Variants in CXorf66 observed in about 807,000 individuals in gnomAD.
CXorf66 encodes the protein chromosome X open reading frame 66.
CXorf66 carries 6 observed loss-of-function variants against 5.0 expected under a neutral mutation model. That is an observed-to-expected ratio of 1.20 (90% CI 0.65 to 2.36). CXorf66 has a LOEUF of 2.36. CXorf66 is among the 30% of genes most tolerant of loss of function. The pLI, the probability that CXorf66 is intolerant of heterozygous loss-of-function variation, is 0.00. For synonymous variants in CXorf66, 98 were observed against 102.8 expected, an observed-to-expected ratio of 0.95 and a Z score of 0.28; for missense variants, 270 against 254.9, an observed-to-expected ratio of 1.06 and a Z score of -0.40.
rs371718733 is a variant in CXorf66, at chrX:139,965,372, A to G, written c.88+37T>C. On this transcript the variant is annotated intron_variant, in intron 1 of 2. Coordinates refer to ENST00000370540, the MANE Select transcript of CXorf66 (RefSeq NM_001013403.3). The stretch of plus-strand genomic sequence containing the variant: ...TAAATACTTTAATGTATACTGTAAC[A>G]GATCATAATTTACAAGTTTTAAGGT... 183 of 973,950 alleles carry G rather than the reference A, an allele frequency of 1.9e-4. 1 individual carries two copies. Among genetic ancestry groups the G allele is most frequent in the Non-Finnish European group, 2.5e-4 (173 of 683,564 alleles). 80.3% of individuals were successfully genotyped at this position (973,950 alleles called of 1,213,427 possible). A position where few individuals can be genotyped will look rare whatever the true frequency, so the allele number is the denominator to read the frequency against.
Position 139,955,988 on chromosome X carries a change from A to T in CXorf66, c.994T>A (p.Tyr332Asn). Residue 332 changes from tyrosine to asparagine, a missense_variant, in exon 3 of 3, where the codon TAT becomes AAT. Coordinates refer to ENST00000370540, the MANE Select transcript of CXorf66 (RefSeq NM_001013403.3). ...TTATCACTGTCAACCTCACTATAAT[A>T]TTTCATCGTATCACTGTCATTCACA... ...DHVNDSDTMK[Y>N]YSEVDSDKVI... 8.3e-7 allele frequency: 1 copy of T among 1,209,862 alleles called. No homozygotes were observed. The highest frequency in any genetic ancestry group is 1.1e-6 in the Non-Finnish European group (1 of 894,078).
intron 1 of CXorf66, among the ~76,000 whole-genome samples, chrX:139,958,684 C>T (rs2085582754): frequency 9.0e-6 from 1 of 111,166 alleles, no homozygotes; most frequent in Non-Finnish European, 1.9e-5. Context: ...TGGGTGATAT[C>T]TGCATTTCCA....
chrX:139,958,034 G>T, intron 2 of CXorf66, 30 bp downstream of exon 2: 1 of 1,162,233 alleles, frequency 8.6e-7, no homozygotes, highest in Non-Finnish European at 1.1e-6. Context: ...CACACACCTC[G>T]CACTCTTAAT....
In CXorf66 at chrX:139,956,321, G is replaced by A. The variant is rs769444048; in HGVS notation, c.661C>T (p.Pro221Ser). The part of the protein sequence containing the change: ...QLFKPLYSSH[P>S]QNEISPSKPF... ...TTGGATGGTGAGATTTCATTTTGTG[G>A]ATGAGATGAATAAAGTGGCTTGAAT... The change falls in exon 3 of 3, where the codon CCA becomes TCA. Residue 221 changes from proline (P) to serine (S), a missense_variant. By Grantham distance (74) the Pro-to-Ser change is moderately conservative. Transcript: ENST00000370540. 1 of 1,209,830 alleles carries A rather than the reference G, an allele frequency of 8.3e-7. No individual in the cohort carries two copies. The highest frequency in any genetic ancestry group is 3.0e-5 in the East Asian group (1 of 33,758).
In CXorf66 at chrX:139,956,143, C is replaced by T. The variant is rs780552289; in HGVS notation, c.839G>A (p.Arg280Lys). 1 of 1,211,660 alleles carries T rather than the reference C, an allele frequency of 8.3e-7. No homozygotes were observed. ...CTCAGAAATATCATTGACCAAAGGC[C>T]TATAAGTTTTGGCAACAAGATGTTT... ...KKKHLVAKTY[R>K]PLVNDISEAK... The change falls in exon 3 of 3, where the codon AGG (arginine) becomes AAG (lysine). Residue 280 changes from arginine (R) to lysine (K), a missense_variant. Transcript: ENST00000370540.
intron 2 of CXorf66, among the ~76,000 whole-genome samples, chrX:139,957,462 GA>G (rs1037414290): frequency 1.7e-4 from 19 of 110,937 alleles, no homozygotes; most frequent in Non-Finnish European, 2.6e-4. Context: ...TGTATCACAA[GA>G]AAAAAACTGT....
At chrX:139,963,606 A>G (rs1333365671) in intron 1 of CXorf66, among the ~76,000 whole-genome samples, 1 of 111,533 alleles carries the variant, frequency 9.0e-6, no homozygotes, top group African/African-American at 3.3e-5. Flanking sequence ...TATAGCAAAG[A>G]CAATCCTAAG....
chrX:139,958,872 C>T (rs145705328), intron 1 of CXorf66, among the ~76,000 whole-genome samples: 117 of 112,466 alleles, frequency 1.0e-3, no homozygotes, highest in African/African-American at 3.4e-3. Flanking sequence ...CAGTGAGGGA[C>T]TGTACTATCC....
Position 139,956,617 on chromosome X carries a change from G to C in CXorf66, c.365C>G (p.Ser122Ter), listed in dbSNP as rs1163870679. 1 of 1,211,466 alleles carries C rather than the reference G, an allele frequency of 8.3e-7. No homozygotes were observed. The highest frequency in any genetic ancestry group is 3.0e-5 in the East Asian group (1 of 33,833). Residue 122 changes from serine to a stop codon, truncating the protein, a stop_gained, in exon 3 of 3, where the codon TCA becomes TGA. Transcript: ENST00000370540. LOFTEE classifies it low-confidence loss of function (END_TRUNC). ...TGCGGATGCCCTTTCTGGACTCGATGAATCAGATGACTTGTCTGCAGTAGA... is the reference window on the plus strand; with the variant it reads ...TGCGGATGCCCTTTCTGGACTCGATCAATCAGATGACTTGTCTGCAGTAGA... ...MLSTADKSSD[S>*]SSPERASAQS... is the part of the protein sequence containing the mutation.
At chrX:139,962,239 G>T (rs1246303001) in intron 1 of CXorf66, among the ~76,000 whole-genome samples, 1 of 111,082 alleles carries the variant, frequency 9.0e-6, no homozygotes, top group East Asian at 2.8e-4. Context: ...AATAAAGGGG[G>T]TATCACCAAT....
At position 139,956,178 on chromosome X, in the gene CXorf66, G is replaced by C; in HGVS notation, c.804C>G (p.Pro268=). ...TGGCAACAAGATGTTTTTTCTTGTA[G>C]GGTTGACAAGTTTCAGCTAATTCAG... ...SNSELAETCQ[P]YKKKHLVAKT... Residue 268 remains proline, a synonymous_variant, in exon 3 of 3, where the codon CCC becomes CCG. Transcript: ENST00000370540. The C allele has an allele frequency of 8.3e-7, 1 of 1,209,865 alleles. No homozygotes were observed. Among genetic ancestry groups the C allele is most frequent in the East Asian group, 3.0e-5 (1 of 33,763 alleles).
At chrX:139,959,957 A>G (rs2085587564) in intron 1 of CXorf66, among the ~76,000 whole-genome samples, 1 of 112,075 alleles carries the variant, frequency 8.9e-6, no homozygotes, top group East Asian at 2.8e-4. Flanking sequence ...ATAAATCCAC[A>G]AAGATGAGGA....
intron 1 of CXorf66, among the ~76,000 whole-genome samples, chrX:139,962,122 A>G (rs914437548): frequency 9.9e-5 from 11 of 111,618 alleles, no homozygotes; most frequent in Non-Finnish European, 1.9e-4. Context: ...AAAAAAATCA[A>G]TGAATCCAGG....
At chrX:139,963,723 C>G (rs1347505675) in intron 1 of CXorf66, among the ~76,000 whole-genome samples, 2 of 86,756 alleles carry the variant, frequency 2.3e-5, no homozygotes, top group African/African-American at 1.0e-4. Context: ...ATACATAGAC[C>G]AAAGGAACAA....
intron 2 of CXorf66, 114 bp downstream of exon 2, chrX:139,957,950 G>A: frequency 1.4e-6 from 1 of 698,748 alleles, no homozygotes; most frequent in Non-Finnish European, 2.0e-6. Flanking sequence ...CAAAAGGTTG[G>A]TAGCTCTTCA....
intron 1 of CXorf66, among the ~76,000 whole-genome samples, chrX:139,963,576 T>G (rs910893472): frequency 7.1e-5 from 8 of 111,929 alleles, no homozygotes; most frequent in Admixed American, 2.9e-4. Flanking sequence ...AAATCTCATA[T>G]GGAACCAAAA....
At chrX:139,958,574 C>T (rs2085582408) in intron 1 of CXorf66, among the ~76,000 whole-genome samples, 1 of 111,761 alleles carries the variant, frequency 8.9e-6, no homozygotes, top group Non-Finnish European at 1.9e-5. Flanking sequence ...GTGATAAAAA[C>T]AAACCTCTGT....
intron 1 of CXorf66, among the ~76,000 whole-genome samples, chrX:139,964,686 G>T (rs766401672): frequency 5.5e-4 from 62 of 111,806 alleles, no homozygotes; most frequent in Non-Finnish European, 1.1e-3. Context: ...TGATAGACTG[G>T]TTTAAGAAAA....
At position 139,956,652 on chromosome X, in the gene CXorf66, T is replaced by A; in HGVS notation, c.330A>T (p.Gln110His). 8.3e-7 allele frequency: 1 copy of A among 1,211,518 alleles called. No homozygotes were observed. Among genetic ancestry groups the A allele is most frequent in the Non-Finnish European group, 1.1e-6 (1 of 895,221 alleles). ...KTASQCSPET[Q>H]PMLSTADKSS... is the part of the protein sequence containing the mutation. ...ACTTGTCTGCAGTAGATAGCATGGG[T>A]TGTGTTTCTGGACTGCATTGAGAGG... is the stretch of plus-strand genomic sequence containing the variant. Residue 110 changes from glutamine to histidine, a missense_variant, in exon 3 of 3, where the codon CAA becomes CAT. Gln to His is a conservative substitution (Grantham distance 24). Transcript: ENST00000370540.
Sources: allele counts gnomAD v4.1 joint callset (sites outside exome capture counted in the v4.1 genomes callset), GRCh38; gene constraint gnomAD v4.1.1; transcripts MANE v1.5; gene names NCBI Gene and HGNC (gene_info 2026-07-23, HGNC 2026-07-21).